The following ANKRD55 variants were observed in gnomAD, a reference collection of about 807,000 sequenced individuals.
The protein encoded by ANKRD55 is ankyrin repeat domain-containing protein 55.
A neutral mutation model predicts 60.6 loss-of-function variants in ANKRD55; 41 were observed. The observed-to-expected ratio is 0.68, with a 90% CI of 0.53 to 0.88. ANKRD55 has a LOEUF of 0.88. Among genes scored for constraint, ANKRD55 ranks in the 40% least tolerant of loss-of-function variants. The pLI, the probability that ANKRD55 is intolerant of heterozygous loss-of-function variation, is 0.00. For missense variants in ANKRD55, 732 were observed against 767.6 expected, an observed-to-expected ratio of 0.95 and a Z score of 0.55; for synonymous variants, 264 against 290.3, an observed-to-expected ratio of 0.91 and a Z score of 0.92.
At chr5:56,122,602 T>C (rs757640367) in intron 8 of ANKRD55, among the ~76,000 whole-genome samples, 5 of 151,602 alleles carry the variant, frequency 3.3e-5, no homozygotes, top group Non-Finnish European at 7.4e-5. Flanking sequence ...GAGGTTGCAG[T>C]GAGCTGAGAT....
chr5:56,201,818 A>T (rs1320060007), intron 2 of ANKRD55, among the ~76,000 whole-genome samples: 5 of 152,216 alleles, frequency 3.3e-5, no homozygotes, highest in Admixed American at 3.3e-4. Flanking sequence ...AATATAAATC[A>T]TTCTATTATA....
Position 56,161,144 on chromosome 5 carries a change from A to AT in ANKRD55, c.423-1252dup, listed in dbSNP as rs75300974. Reference sequence around the variant, plus strand: ...CTCCATCTCAGAATTGCCTGGAGAGATTTTTTTTTTTTTTAAACCACAAAT... The same window carrying AT: ...CTCCATCTCAGAATTGCCTGGAGAGATTTTTTTTTTTTTTTAAACCACAAAT... On this transcript the variant is annotated intron_variant, in intron 5 of 11. Coordinates refer to ENST00000341048, the MANE Select transcript of ANKRD55 (RefSeq NM_024669.3). 6.0e-3 allele frequency among the ~76,000 whole-genome samples: 882 copies of AT among 145,942 alleles called. 5 individuals are homozygous for AT. The highest frequency in any genetic ancestry group is 7.2e-3 in the Non-Finnish European group (473 of 65,890).
intron 7 of ANKRD55, among the ~76,000 whole-genome samples, chr5:56,137,884 A>G (rs1757651203): frequency 6.6e-6 from 1 of 152,210 alleles, no homozygotes; most frequent in African/African-American, 2.4e-5. Flanking sequence ...GATAGCTCAC[A>G]AAGAAAATTT....
chr5:56,104,806 G>A (rs1054747317), intron 10 of ANKRD55, among the ~76,000 whole-genome samples: 4 of 152,120 alleles, frequency 2.6e-5, no homozygotes, highest in African/African-American at 9.7e-5. Flanking sequence ...AGGAAAGACA[G>A]GTAAACATAT....
intron 6 of ANKRD55, among the ~76,000 whole-genome samples, chr5:56,155,517 T>C (rs1758169314): frequency 6.6e-6 from 1 of 152,206 alleles, no homozygotes; most frequent in Admixed American, 6.5e-5. Flanking sequence ...ATCTCTCTCC[T>C]GATTTCTCAG....
chr5:56,107,155 A>G (rs991363228), intron 10 of ANKRD55, among the ~76,000 whole-genome samples: 11 of 152,208 alleles, frequency 7.2e-5, no homozygotes, highest in African/African-American at 1.4e-4. Context: ...ATGAGAAGAA[A>G]GTCAATTTAA....
chr5:56,119,067 G>T (rs1445451012), intron 8 of ANKRD55, among the ~76,000 whole-genome samples: 1 of 152,188 alleles, frequency 6.6e-6, no homozygotes, highest in Admixed American at 6.5e-5. Context: ...CCACTTTTAA[G>T]TATTTTGCTG....
At chr5:56,186,369 T>C (rs897894658) in intron 2 of ANKRD55, among the ~76,000 whole-genome samples, 1 of 152,154 alleles carries the variant, frequency 6.6e-6, no homozygotes, top group Non-Finnish European at 1.5e-5. Context: ...GGTTTTGCCA[T>C]GTTGCCCAGG....
In ANKRD55 at chr5:56,166,198, C is replaced by T. The variant is rs139861732; in HGVS notation, c.422+4496G>A. 4.4e-3 allele frequency among the ~76,000 whole-genome samples: 281 copies of T among 63,670 alleles called. 16 individuals carry two copies. Among genetic ancestry groups the T allele is most frequent in the African/African-American group, 0.018 (135 of 7,516 alleles). 41.8% of individuals were successfully genotyped at this position (63,670 alleles called of 152,430 possible). A position where few individuals can be genotyped will look rare whatever the true frequency, so the allele number is the denominator to read the frequency against. On this transcript the variant is annotated intron_variant, in intron 5 of 11. Transcript: ENST00000341048. ...CCTTCCTTCCTTCCTTCCTTCCTTC[C>T]TTCTCTCTCTCTCTCTCTCTTTCTT...
chr5:56,116,644 C>T lies in ANKRD55; in HGVS notation c.936G>A (p.Ala312=), dbSNP rs60779428. 0.055 allele frequency: 88,793 copies of T among 1,604,570 alleles called. 3,615 individuals carry two copies. Among genetic ancestry groups the T allele is most frequent in the African/African-American group, 0.21 (15,427 of 74,202 alleles). Reference sequence around the variant, plus strand: ...TCTCTTGGGAGAGGAGTTTGACACACGCCGTGTGACCGCAGTACAGGGCAT... The same window carrying T: ...TCTCTTGGGAGAGGAGTTTGACACATGCCGTGTGACCGCAGTACAGGGCAT... The part of the protein sequence containing the change: ...LAYALYCGHT[A]CVKLLSQESR... Residue 312 remains alanine (A), a synonymous_variant, in exon 9 of 12, where the codon GCG becomes GCA. Coordinates refer to ENST00000341048, the MANE Select transcript of ANKRD55 (RefSeq NM_024669.3).
At chr5:56,109,554 A>G (rs1389075857) in intron 10 of ANKRD55, among the ~76,000 whole-genome samples, 1 of 148,930 alleles carries the variant, frequency 6.7e-6, no homozygotes, top group Non-Finnish European at 1.5e-5. Flanking sequence ...TTTTTTCTGT[A>G]GAGATGGGGA....
At chr5:56,174,076 G>A (rs1362829729) in intron 4 of ANKRD55, among the ~76,000 whole-genome samples, 1 of 152,078 alleles carries the variant, frequency 6.6e-6, no homozygotes, top group Non-Finnish European at 1.5e-5. Flanking sequence ...CTGCCTTGGG[G>A]AGCCACAGGG....
At position 56,127,070 on chromosome 5, in the gene ANKRD55, G is replaced by A. The variant is rs1025828285; in HGVS notation, c.649C>T (p.His217Tyr). The part of the protein sequence containing the change: ...NRILCSIILS[H>Y]HQGPSIINYD... Reference sequence around the variant, plus strand: ...TTGATTATGGACGGCCCCTGGTGATGGCTCAGAATGATGGAGCACAGAATC... The same window carrying A: ...TTGATTATGGACGGCCCCTGGTGATAGCTCAGAATGATGGAGCACAGAATC... Residue 217 changes from histidine to tyrosine, a missense_variant, in exon 8 of 12, where the codon CAT becomes TAT. Physicochemically the swap from His to Tyr is moderately conservative, Grantham distance 83. Coordinates refer to ENST00000341048, the MANE Select transcript of ANKRD55 (RefSeq NM_024669.3). 6.2e-7 allele frequency: 1 copy of A among 1,613,250 alleles called. No homozygotes were observed. Among genetic ancestry groups the A allele is most frequent in the Non-Finnish European group, 8.5e-7 (1 of 1,179,592 alleles).
chr5:56,220,962 T>G (rs181390080), intron 2 of ANKRD55, among the ~76,000 whole-genome samples: 1 of 152,364 alleles, frequency 6.6e-6, no homozygotes, highest in East Asian at 1.9e-4. Flanking sequence ...AGGAGAAGGC[T>G]AAGCACTTTC....
intron 3 of ANKRD55, among the ~76,000 whole-genome samples, chr5:56,183,248 A>G (rs563403082): frequency 1.9e-4 from 29 of 152,288 alleles, no homozygotes; most frequent in African/African-American, 6.7e-4. Flanking sequence ...CATTTTCTCA[A>G]CATCCATTGC....
chr5:56,102,125 G>A (rs1180962124), intron 11 of ANKRD55, among the ~76,000 whole-genome samples: 4 of 152,108 alleles, frequency 2.6e-5, no homozygotes, highest in Non-Finnish European at 4.4e-5. Flanking sequence ...GGTGGCTCAC[G>A]CCTGTAATCC....
intron 5 of ANKRD55, among the ~76,000 whole-genome samples, chr5:56,167,751 G>A (rs1758517146): frequency 6.6e-6 from 1 of 152,184 alleles, no homozygotes; most frequent in African/African-American, 2.4e-5. Context: ...AGTTTCAAGA[G>A]AGGGGAAGCC....
At chr5:56,150,913 T>C (rs1209179659) in intron 6 of ANKRD55, among the ~76,000 whole-genome samples, 1 of 152,222 alleles carries the variant, frequency 6.6e-6, no homozygotes, top group Non-Finnish European at 1.5e-5. Context: ...AATAAATAAA[T>C]AAAAGAATGT....
At chr5:56,226,717 G>T (rs933139119) in intron 2 of ANKRD55, among the ~76,000 whole-genome samples, 3 of 152,164 alleles carry the variant, frequency 2.0e-5, no homozygotes, top group Non-Finnish European at 4.4e-5. Flanking sequence ...CATTTATGCA[G>T]CCAACAGACA....
Sources: allele counts gnomAD v4.1 joint callset (sites outside exome capture counted in the v4.1 genomes callset), GRCh38; gene constraint gnomAD v4.1.1; transcripts MANE v1.5; gene names NCBI Gene and HGNC (gene_info 2026-07-23, HGNC 2026-07-21).